C16orf46: variants seen among roughly 807,000 people sequenced by gnomAD.
C16orf46 encodes uncharacterized protein C16orf46.
C16orf46 carries 7 observed loss-of-function variants against 5.5 expected under a neutral mutation model. That is an observed-to-expected ratio of 1.28 (90% CI 0.73 to 2.40). The LOEUF (loss-of-function observed/expected upper bound fraction) is 2.40. Ranked by LOEUF, C16orf46 falls within the 30% of genes most tolerant of loss-of-function variation. The pLI, the probability that C16orf46 is intolerant of heterozygous loss-of-function variation, is 0.00. For synonymous variants in C16orf46, 200 were observed against 184.1 expected (o/e 1.09, Z -0.70); for missense variants, 614 against 476.0 (o/e 1.29, Z -2.70).
rs762412800 is a variant in C16orf46 at position 81,061,797 on chromosome 16, C to T, written c.552G>A (p.Lys184=). The change falls in exon 4 of 4, where the codon AAG becomes AAA. Residue 184 remains lysine, a synonymous_variant. Coordinates refer to ENST00000299578, the MANE Select transcript of C16orf46 (RefSeq NM_152337.3). The part of the protein sequence containing the change: ...DWAIPGTNRG[K]ASGNPSGGAH... ...CCCCTCCACTGGGATTCCCAGAGGCCTTGCCCCTATTAGTGCCGGGGATGG... is the reference window on the plus strand; with the variant it reads ...CCCCTCCACTGGGATTCCCAGAGGCTTTGCCCCTATTAGTGCCGGGGATGG... The T allele has an allele frequency of 4.3e-6, 7 of 1,614,158 alleles. No homozygotes were observed. The South Asian group carries it at 6.6e-5, about 15-fold the overall frequency.
downstream of C16orf46, among the ~76,000 whole-genome samples, chr16:81,057,108 A>T (rs1971321033): frequency 6.6e-6 from 1 of 152,148 alleles, no homozygotes; most frequent in Non-Finnish European, 1.5e-5. Context: ...CAGGCCCATC[A>T]CAAAGAATGA....
downstream of C16orf46, among the ~76,000 whole-genome samples, chr16:81,056,783 C>T (rs766887269): frequency 6.6e-6 from 1 of 151,700 alleles, no homozygotes; most frequent in Non-Finnish European, 1.5e-5. Flanking sequence ...CCATGAGACC[C>T]TAGAGGACCA....
intron 3 of C16orf46, among the ~76,000 whole-genome samples, chr16:81,062,942 A>G (rs1163647770): frequency 1.4e-5 from 2 of 146,698 alleles, no homozygotes; most frequent in Non-Finnish European, 3.0e-5. Flanking sequence ...GATTCTATGA[A>G]TTGTTTAAGA....
chr16:81,074,816 T>A (rs1344704820), intron 1 of C16orf46, among the ~76,000 whole-genome samples: 2 of 152,204 alleles, frequency 1.3e-5, no homozygotes, highest in African/African-American at 4.8e-5. Context: ...CTTTTCTTTT[T>A]CTTTATTCTT....
chr16:81,072,328 CA>C (rs34242284), intron 1 of C16orf46: 88,629 of 102,826 alleles, frequency 0.86, 37,964 homozygotes, highest in Middle Eastern at 0.93. Context: ...ATACCTGATG[CA>C]AAAAAAAAAA....
At chr16:81,074,241 A>C (rs1971951200) in intron 1 of C16orf46, among the ~76,000 whole-genome samples, 1 of 152,216 alleles carries the variant, frequency 6.6e-6, no homozygotes, top group African/African-American at 2.4e-5. Context: ...GTCTCTTAAA[A>C]TGTGGTGCCT....
rs758084167 is a variant in C16orf46, at chr16:81,062,108, C to T, written c.241G>A (p.Ala81Thr). The change falls in exon 4 of 4, where the codon GCC becomes ACC. Residue 81 changes from alanine to threonine, a missense_variant. Ala to Thr is a moderately conservative substitution (Grantham distance 58). Coordinates refer to ENST00000299578, the MANE Select transcript of C16orf46 (RefSeq NM_152337.3). ...VQGWGRTSPAACIWPRKIPKK... is the reference protein window; with the variant it reads ...VQGWGRTSPATCIWPRKIPKK... ...GGTATCTTCCTCGGCCAGATGCAGG[C>T]AGCTGGAGAAGTCCTTCCCCACCCT... The T allele has an allele frequency of 6.2e-7, 1 of 1,600,060 alleles. No homozygotes were observed. Among genetic ancestry groups the T allele is most frequent in the East Asian group, 2.2e-5 (1 of 44,832 alleles).
chr16:81,072,674 G>A (rs552356771), intron 1 of C16orf46, among the ~76,000 whole-genome samples: 11 of 151,100 alleles, frequency 7.3e-5, no homozygotes, highest in South Asian at 2.1e-4. Context: ...GTGAGCCACC[G>A]TGCCCACCCT....
intron 3 of C16orf46, among the ~76,000 whole-genome samples, chr16:81,063,105 G>T (rs757524039): frequency 6.6e-6 from 1 of 151,718 alleles, no homozygotes; most frequent in Admixed American, 6.6e-5. Context: ...AATTAGCTGG[G>T]CATGGTGGGC....
rs370754838 is a variant in C16orf46 at position 81,074,162 on chromosome 16, G to C, written c.-128+2974C>G. On this transcript the variant is annotated intron_variant, in intron 1 of 3. Transcript: ENST00000299578. The stretch of plus-strand genomic sequence containing the variant: ...CTCAAATGCAAATCTGAAAACATCT[G>C]AAGACAGCTATCATTTTGTCAGATA... Among the ~76,000 whole-genome samples, 3 of 152,204 alleles carry C rather than the reference G, an allele frequency of 2.0e-5. No homozygotes were observed. The East Asian group carries it at 5.8e-4, about 29-fold the overall frequency.
At chr16:81,057,538 C>CAA (rs11289785), downstream of C16orf46, among the ~76,000 whole-genome samples, 2,911 of 112,258 alleles carry the variant, frequency 0.026, 105 homozygotes, top group African/African-American at 0.088. Context: ...GACTCTGTCT[C>CAA]AAAAAAAAAA....
chr16:81,061,498 G>C lies in C16orf46; in HGVS notation c.851C>G (p.Pro284Arg). The C allele has an allele frequency of 6.2e-7, 1 of 1,614,086 alleles. No individual in the cohort carries two copies. The highest frequency in any genetic ancestry group is 8.5e-7 in the Non-Finnish European group (1 of 1,180,000). ...MVNDTPSSPS[P>R]AAQISLLTDP... ...GGTCAGCAGGGATATCTGGGCCGCT[G>C]GGGAAGGGGAGGATGGCGTGTCGTT... is the stretch of plus-strand genomic sequence containing the variant. Residue 284 changes from proline (P) to arginine (R), a missense_variant, in exon 4 of 4, where the codon CCA becomes CGA. Physicochemically the swap from Pro to Arg is moderately radical, Grantham distance 103. Coordinates refer to ENST00000299578, the MANE Select transcript of C16orf46 (RefSeq NM_152337.3).
chr16:81,071,143 C>A (rs545444433), intron 1 of C16orf46, among the ~76,000 whole-genome samples: 1 of 152,270 alleles, frequency 6.6e-6, no homozygotes, highest in East Asian at 1.9e-4. Flanking sequence ...TCGTGAGACT[C>A]TGTACAGCCC....
At chr16:81,065,093 A>T (rs144781133) in intron 2 of C16orf46, among the ~76,000 whole-genome samples, 1 of 152,302 alleles carries the variant, frequency 6.6e-6, no homozygotes, top group African/African-American at 2.4e-5. Flanking sequence ...ATCAGAGCCA[A>T]AGAGCTGAAC....
In C16orf46 at chr16:81,061,273, T is replaced by C. The variant is rs899719788; in HGVS notation, c.1076A>G (p.Lys359Arg). The C allele has an allele frequency of 1.9e-6, 3 of 1,614,054 alleles. No individual in the cohort carries two copies. Among genetic ancestry groups the C allele is most frequent in the African/African-American group, 1.3e-5 (1 of 74,914 alleles). The part of the protein sequence containing the change: ...ITRKHVLPKA[K>R]QENRPQMLET... ...CAGCATTTGGGGCCTGTTTTCCTGC[T>C]TGGCCTTTGGGAGAACATGCTTTCG... Residue 359 changes from lysine to arginine, a missense_variant, in exon 4 of 4, where the codon AAG becomes AGG. Physicochemically the swap from Lys to Arg is conservative, Grantham distance 26. Coordinates refer to ENST00000299578, the MANE Select transcript of C16orf46 (RefSeq NM_152337.3).
In C16orf46 at chr16:81,061,729, G is replaced by T. The variant is rs542547879; in HGVS notation, c.620C>A (p.Ala207Asp). 6.2e-7 allele frequency: 1 copy of T among 1,614,002 alleles called. No homozygotes were observed. The highest frequency in any genetic ancestry group is 1.1e-5 in the South Asian group (1 of 91,090). The change falls in exon 4 of 4, where the codon GCC becomes GAC. Residue 207 changes from alanine to aspartate, a missense_variant. Physicochemically the swap from Ala to Asp is moderately radical, Grantham distance 126 (BLOSUM62 -2). Coordinates refer to ENST00000299578, the MANE Select transcript of C16orf46 (RefSeq NM_152337.3). ...CTTCAGGGGAGGCAGAACTAGGAGGGCCCTGGAAGTCAGGGGGCCTGGGAT... is the reference window on the plus strand; with the variant it reads ...CTTCAGGGGAGGCAGAACTAGGAGGTCCCTGGAAGTCAGGGGGCCTGGGAT... ...LSIPGPLTSR[A>D]LLVLPPLKAS...
At chr16:81,073,214 G>A (rs545346198) in intron 1 of C16orf46, among the ~76,000 whole-genome samples, 2 of 152,296 alleles carry the variant, frequency 1.3e-5, no homozygotes, top group South Asian at 4.1e-4. Flanking sequence ...CCTGTGTAAA[G>A]CCAGATTGGT....
At chr16:81,062,879 C>CTTTTTTTTTT (rs35694573) in intron 3 of C16orf46, among the ~76,000 whole-genome samples, 2 of 138,366 alleles carry the variant, frequency 1.4e-5, no homozygotes. Flanking sequence ...TAGTTTTATG[C>CTTTTTTTTTT]TTTTTTTTTT....
At chr16:81,071,270 GGC>G (rs1237059747) in intron 1 of C16orf46, among the ~76,000 whole-genome samples, 1 of 152,172 alleles carries the variant, frequency 6.6e-6, no homozygotes, top group African/African-American at 2.4e-5. Flanking sequence ...AGCTCCAAGT[GGC>G]CCAGTCAAAC....
Sources: allele counts gnomAD v4.1 joint callset (sites outside exome capture counted in the v4.1 genomes callset), GRCh38; gene constraint gnomAD v4.1.1; transcripts MANE v1.5; gene names NCBI Gene and HGNC (gene_info 2026-07-23, HGNC 2026-07-21).